NWD1: variants seen among roughly 807,000 people sequenced by gnomAD.
NWD1 encodes NACHT and WD repeat domain containing 1, also known as NACHT domain- and WD repeat-containing protein 1.
Under a neutral mutation model 135.1 loss-of-function variants are expected in NWD1, and 129 were observed. That is an observed-to-expected ratio of 0.96 (90% CI 0.83 to 1.11). The LOEUF (loss-of-function observed/expected upper bound fraction) is 1.11, where lower values mean the gene tolerates loss of function less well. Ranked by LOEUF, NWD1 falls within the 50% of genes least tolerant of loss-of-function variation. The pLI, the probability that NWD1 is intolerant of heterozygous loss-of-function variation, is 0.00. For synonymous variants in NWD1, 773 were observed against 786.0 expected (o/e 0.98, Z 0.28); for missense variants, 1,740 against 1,851.3 (o/e 0.94, Z 1.10).
intron 1 of NWD1, among the ~76,000 whole-genome samples, chr19:16,724,090 G>A (rs538957778): frequency 1.3e-5 from 2 of 152,180 alleles, no homozygotes; most frequent in Admixed American, 6.6e-5. Context: ...TGTCCTGGGT[G>A]GACAAGGCAG....
intron 17 of NWD1, among the ~76,000 whole-genome samples, chr19:16,804,145 G>C (rs982747182): frequency 1.5e-4 from 23 of 152,068 alleles, no homozygotes; most frequent in Admixed American, 4.6e-4. Flanking sequence ...GGCTGGCGGG[G>C]GAAAGGGTTG....
At chr19:16,789,624 G>T (rs1178467893) in intron 13 of NWD1, among the ~76,000 whole-genome samples, 1 of 149,808 alleles carries the variant, frequency 6.7e-6, no homozygotes, top group Non-Finnish European at 1.5e-5. Context: ...GTCCTGTTCT[G>T]TATTTTTTTT....
chr19:16,773,173 G>T lies in NWD1; in HGVS notation c.2458G>T (p.Ala820Ser). The T allele has an allele frequency of 6.2e-7, 1 of 1,613,888 alleles. No individual in the cohort carries two copies. Among genetic ancestry groups the T allele is most frequent in the African/African-American group, 1.3e-5 (1 of 75,032 alleles). The change falls in exon 11 of 19, where the codon GCC becomes TCC. Residue 820 changes from alanine to serine, a missense_variant. Transcript: ENST00000524140. ...ACTGCTGGCCAGACTCCATTTCTTC[G>T]CCACCTCACATCCAGCACTGGTGGG... ...TELLARLHFF[A>S]TSHPALVGQL...
intron 10 of NWD1, among the ~76,000 whole-genome samples, chr19:16,770,775 G>A (rs1050530816): frequency 2.6e-5 from 4 of 152,132 alleles, no homozygotes; most frequent in Non-Finnish European, 5.9e-5. Flanking sequence ...TAGCATTGTT[G>A]ACATGAATAG....
chr19:16,761,815 C>G (rs994057163), intron 7 of NWD1, among the ~76,000 whole-genome samples, 164 bp from the exon 8 acceptor site: 4 of 151,576 alleles, frequency 2.6e-5, no homozygotes, highest in African/African-American at 9.7e-5. Context: ...AAAAAAAAAA[C>G]ACGGACCAAT....
intron 10 of NWD1, among the ~76,000 whole-genome samples, chr19:16,772,793 C>T (rs1969460943): frequency 6.6e-6 from 1 of 151,934 alleles, no homozygotes; most frequent in East Asian, 1.9e-4. Context: ...TTTGATCATG[C>T]CACTGCACTC....
intron 2 of NWD1, among the ~76,000 whole-genome samples, 181 bp downstream of exon 2, chr19:16,724,644 C>T (rs1483802805): frequency 6.6e-6 from 1 of 152,108 alleles, no homozygotes; most frequent in Non-Finnish European, 1.5e-5. Context: ...TGGCAGGAGC[C>T]TGCCAAGTTC....
At chr19:16,757,912 C>T (rs568495674) in intron 6 of NWD1, among the ~76,000 whole-genome samples, 63 of 152,098 alleles carry the variant, frequency 4.1e-4, no homozygotes, top group Non-Finnish European at 6.8e-4. Context: ...ATTAGCCGGG[C>T]GTGGTGGTGC....
At chr19:16,721,992 A>T (rs1328887438) in intron 1 of NWD1, among the ~76,000 whole-genome samples, 1 of 152,044 alleles carries the variant, frequency 6.6e-6, no homozygotes, top group Non-Finnish European at 1.5e-5. Flanking sequence ...ACATGCCTAT[A>T]GTTCCAGCTA....
chr19:16,800,406 T>C (rs1043265261), intron 17 of NWD1, among the ~76,000 whole-genome samples: 2 of 147,688 alleles, frequency 1.4e-5, no homozygotes, highest in South Asian at 4.3e-4. Flanking sequence ...TGGTGGCACA[T>C]GCCTGTATCC....
At chr19:16,812,209 G>A (rs1407404567) in intron 18 of NWD1, among the ~76,000 whole-genome samples, 1 of 151,766 alleles carries the variant, frequency 6.6e-6, no homozygotes, top group East Asian at 1.9e-4. Context: ...TTGAGAGGTT[G>A]AGGCAGGAGG....
At chr19:16,803,151 G>A (rs4490105) in intron 17 of NWD1, among the ~76,000 whole-genome samples, 41,335 of 151,944 alleles carry the variant, frequency 0.27, 6,334 homozygotes, top group East Asian at 0.43. Flanking sequence ...GATCTCATGA[G>A]ACTTATTCGC....
chr19:16,738,327 G>T, intron 4 of NWD1: 1 of 366,098 alleles, frequency 2.7e-6, no homozygotes, highest in Non-Finnish European at 5.7e-6. Flanking sequence ...TCTGCATTTT[G>T]GGAGGCTGAG....
chr19:16,808,135 C>G lies in NWD1; in HGVS notation c.4286C>G (p.Thr1429Arg), dbSNP rs181621417. The change falls in exon 18 of 19, where the codon ACG becomes AGG. Residue 1429 changes from threonine (T) to arginine (R), a missense_variant and splice_region_variant. Physicochemically the swap from Thr to Arg is moderately conservative, Grantham distance 71. Coordinates refer to ENST00000524140, the MANE Select transcript of NWD1 (RefSeq NM_001007525.5). ...ARKWKFEMSY[T>R]APC ...AAGTGGAAATTCGAGATGAGCTACA[C>G]GGTGGGTGGCCCGCCTCCCCATGTT... 6.2e-7 allele frequency: 1 copy of G among 1,612,162 alleles called. No individual in the cohort carries two copies.
At chr19:16,740,283 A>G (rs1968026221) in intron 4 of NWD1, among the ~76,000 whole-genome samples, 2 of 152,102 alleles carry the variant, frequency 1.3e-5, no homozygotes, top group African/African-American at 4.8e-5. Flanking sequence ...TGGGTGCCAG[A>G]GGAAGAGTCT....
chr19:16,743,707 G>C, intron 4 of NWD1, among the ~76,000 whole-genome samples: 1 of 148,362 alleles, frequency 6.7e-6, no homozygotes, highest in Non-Finnish European at 1.5e-5. Context: ...TTTTGAGACA[G>C]AGTCTTACTC....
chr19:16,801,696 A>G (rs1970606804), intron 17 of NWD1: 1 of 152,288 alleles, frequency 6.6e-6, no homozygotes, highest in South Asian at 2.1e-4. Flanking sequence ...AGCCTGGACG[A>G]CAGAACAAGA....
rs192248075 is a variant in NWD1 at position 16,774,659 on chromosome 19, C to T, written c.2608+1336C>T. ...ATCCTTTCATCCGTCCATCCACCCA[C>T]CCTTCCATCCACTCACCCACCTACA... On this transcript the variant is annotated intron_variant, in intron 11 of 18. Coordinates refer to ENST00000524140, the MANE Select transcript of NWD1 (RefSeq NM_001007525.5). Among the ~76,000 whole-genome samples the T allele has an allele frequency of 3.7e-3, 558 of 152,014 alleles. 15 individuals are homozygous for T. Among genetic ancestry groups the T allele is most frequent in the Admixed American group, 0.032 (486 of 15,236 alleles).
At chr19:16,802,109 C>A (rs1303700596) in intron 17 of NWD1, among the ~76,000 whole-genome samples, 2 of 151,794 alleles carry the variant, frequency 1.3e-5, no homozygotes, top group African/African-American at 4.8e-5. Flanking sequence ...CATGGTGAAA[C>A]CCCATCTCTA....
Sources: gnomAD v4.1 joint callset for allele counts (sites outside exome capture counted in the v4.1 genomes callset) on GRCh38, gnomAD v4.1.1 for gene constraint, MANE v1.5 for transcripts, NCBI Gene and HGNC (gene_info 2026-07-23, HGNC 2026-07-21) for gene names.